The following KIAA1217 variants were observed in gnomAD, a reference collection of about 807,000 sequenced individuals.
The protein encoded by KIAA1217 is sickle tail protein homolog.
Under a neutral mutation model 163.9 loss-of-function variants are expected in KIAA1217, and 88 were observed. That is an observed-to-expected ratio of 0.54 (90% confidence interval 0.45 to 0.64). The LOEUF (loss-of-function observed/expected upper bound fraction) is 0.64. Ranked by LOEUF, KIAA1217 falls within the 30% of genes least tolerant of loss-of-function variation. The pLI is 0.00. For missense variants in KIAA1217, 2,372 were observed against 2,475.0 expected (o/e 0.96, Z 0.88); for synonymous variants, 903 against 923.1 (o/e 0.98, Z 0.39).
chr10:24,312,416 G>A (rs2042818118), intron 2 of KIAA1217, among the ~76,000 whole-genome samples: 1 of 152,110 alleles, frequency 6.6e-6, no homozygotes, highest in Non-Finnish European at 1.5e-5. Flanking sequence ...AGGAGTTCGA[G>A]ATCAGCCTGG....
In KIAA1217 at chr10:24,494,527, G is replaced by T. The variant is rs2066531804; in HGVS notation, c.1707G>T (p.Gln569His). ...AGAGGATGCAAGCCATGGAGAAACA[G>T]ATTGCCAGTTTAACTGGCCTTGTTC... ...TRERMQAMEK[Q>H]IASLTGLVQS... Residue 569 changes from glutamine to histidine, a missense_variant, in exon 7 of 21, where the codon CAG becomes CAT. Gln to His is a conservative substitution (Grantham distance 24). Around this residue, in one of 3 missense-constraint regions of KIAA1217, gnomAD observed 1,431 missense variants for 1,470.3 expected, o/e 0.97. Transcript: ENST00000376454. The T allele has an allele frequency of 6.2e-7, 1 of 1,613,748 alleles. No individual in the cohort carries two copies. Among genetic ancestry groups the T allele is most frequent in the Non-Finnish European group, 8.5e-7 (1 of 1,179,896 alleles).
Position 24,533,352 on chromosome 10 carries a change from T to C in KIAA1217, c.3414+115T>C, listed in dbSNP as rs984060729. Reference sequence around the variant, plus strand: ...CAGGGAAGCGCATGGACCGGGACCATAGAAGCTGTGTCTTCTGGCCTTAGC... The same window carrying C: ...CAGGGAAGCGCATGGACCGGGACCACAGAAGCTGTGTCTTCTGGCCTTAGC... On this transcript the variant is annotated intron_variant, in intron 16 of 20. Coordinates refer to ENST00000376454, the MANE Select transcript of KIAA1217 (RefSeq NM_019590.5). 9 of 1,021,834 alleles carry C rather than the reference T, an allele frequency of 8.8e-6. No individual in the cohort carries two copies. The African/African-American group carries it at 1.3e-4, about 15-fold the overall frequency. The allele number at this position is 1,021,834 out of a possible 1,614,324, so 63.3% of individuals were successfully genotyped here. A position where few individuals can be genotyped will look rare whatever the true frequency, so the allele number is the denominator to read the frequency against.
At chr10:24,470,047 A>T (rs1185547894) in intron 5 of KIAA1217, among the ~76,000 whole-genome samples, 1 of 152,148 alleles carries the variant, frequency 6.6e-6, no homozygotes, top group Non-Finnish European at 1.5e-5. Flanking sequence ...CGATGTGATG[A>T]ATTTATCTCG....
Position 23,982,529 on chromosome 10 carries a change from TTCTCTCTCTCTCTCTCTCTCTCTCTC to T in KIAA1217, c.-320-24669_-320-24644del, listed in dbSNP as rs59075123. ...TCCTCTGTATTGCTCTGTTTTTTGT[TTCTCTCTCTCTCTCTCTCTCTCTCTC>T]TCTCTCTCTCTCTCTCTCTCTCTCT... On this transcript the variant is annotated intron_variant, in intron 1 of 18. Coordinates refer to the KIAA1217 transcript ENST00000376462. 5.4e-4 allele frequency among the ~76,000 whole-genome samples: 40 copies of T among 73,628 alleles called. 1 individual carries two copies. Among genetic ancestry groups the T allele is most frequent in the African/African-American group, 1.8e-3 (36 of 19,844 alleles). 48.3% of individuals were successfully genotyped at this position (73,628 alleles called of 152,430 possible).
intron 1 of KIAA1217, among the ~76,000 whole-genome samples, chr10:23,722,381 C>A (rs1425713798): frequency 6.6e-6 from 1 of 151,928 alleles, no homozygotes; most frequent in Admixed American, 6.6e-5. Context: ...GTGTATTTAC[C>A]ATAATTTTTA....
chr10:24,546,310 A>C lies in KIAA1217; in HGVS notation c.5818A>C (p.Lys1940Gln). 1 of 1,597,992 alleles carries C rather than the reference A, an allele frequency of 6.3e-7. No homozygotes were observed. ...AAGCAAAGCCACCCCATCCACAGCA[A>C]AAGAAACCTCTTAAAGGTCAAATCC... ...SSSKATPSTA[K>Q]ETS The change falls in exon 21 of 21, where the codon AAA becomes CAA. Residue 1940 changes from lysine to glutamine, a missense_variant. Lys to Gln is a moderately conservative substitution (Grantham distance 53). Coordinates refer to ENST00000376454, the MANE Select transcript of KIAA1217 (RefSeq NM_019590.5).
At chr10:23,872,743 G>A (rs1840516217) in intron 1 of KIAA1217, among the ~76,000 whole-genome samples, 1 of 152,058 alleles carries the variant, frequency 6.6e-6, no homozygotes, top group Non-Finnish European at 1.5e-5. Context: ...GCTAATTAAA[G>A]TGAGGGTTTA....
chr10:23,851,016 T>C (rs1398592332), intron 1 of KIAA1217, among the ~76,000 whole-genome samples: 2 of 152,034 alleles, frequency 1.3e-5, no homozygotes, highest in Non-Finnish European at 2.9e-5. Flanking sequence ...TTACAATTTT[T>C]TTTATTATTA....
chr10:24,070,786 C>A (rs536582909), intron 2 of KIAA1217, among the ~76,000 whole-genome samples: 11 of 151,910 alleles, frequency 7.2e-5, no homozygotes, highest in Admixed American at 7.2e-4. Flanking sequence ...GGAAAGGTTG[C>A]GAAAAGGGGA....
intron 2 of KIAA1217, among the ~76,000 whole-genome samples, chr10:24,363,917 T>C (rs1234701934): frequency 6.6e-6 from 1 of 151,984 alleles, no homozygotes; most frequent in Non-Finnish European, 1.5e-5. Context: ...GATAAACTAC[T>C]GATTATCATT....
At chr10:23,710,254 C>G (rs1588640996) in intron 1 of KIAA1217, among the ~76,000 whole-genome samples, 1 of 152,290 alleles carries the variant, frequency 6.6e-6, no homozygotes, top group South Asian at 2.1e-4. Flanking sequence ...GCTTTACCAT[C>G]ACATAGTTTA....
intron 2 of KIAA1217, among the ~76,000 whole-genome samples, chr10:24,306,510 A>G (rs1410271794): frequency 1.3e-5 from 2 of 152,230 alleles, no homozygotes; most frequent in Non-Finnish European, 2.9e-5. Context: ...TTACAACCCC[A>G]GGTGCTCAAG....
intron 1 of KIAA1217, among the ~76,000 whole-genome samples, chr10:23,844,733 C>A (rs1469547619): frequency 6.6e-6 from 1 of 150,522 alleles, no homozygotes; most frequent in African/African-American, 2.4e-5. Context: ...TGTGGCTCAA[C>A]GTTTAATTTT....
intron 2 of KIAA1217, among the ~76,000 whole-genome samples, chr10:24,138,574 A>C (rs925582005): frequency 2.6e-5 from 4 of 152,078 alleles, no homozygotes; most frequent in African/African-American, 4.8e-5. Context: ...AGTTTTCTAT[A>C]AAATGGATAT....
intron 2 of KIAA1217, among the ~76,000 whole-genome samples, chr10:24,079,113 C>T (rs77860828): frequency 0.025 from 3,842 of 152,332 alleles, 150 homozygotes; most frequent in African/African-American, 0.088. Flanking sequence ...CTTGTGTTAA[C>T]GCACTTCACC....
In KIAA1217 at chr10:24,513,354, C is replaced by G. The variant is rs550355378; in HGVS notation, c.2097C>G (p.Pro699=). The part of the protein sequence containing the change: ...VMETMKRLED[P]VQRQRVLVEQ... ...AAACAATGAAGAGACTGGAGGATCC[C>G]GTGCAGCGACAGCGCGTCCTAGTGG... The change falls in exon 10 of 21, where the codon CCC becomes CCG. Residue 699 remains proline (P), a synonymous_variant. Transcript: ENST00000376454. 3.1e-6 allele frequency: 5 copies of G among 1,614,132 alleles called. No individual in the cohort carries two copies.
chr10:24,047,361 G>T (rs1013289032), intron 2 of KIAA1217, among the ~76,000 whole-genome samples: 7 of 152,104 alleles, frequency 4.6e-5, no homozygotes, highest in African/African-American at 1.7e-4. Context: ...CTGTGGCCTT[G>T]AGCAAGGCAA....
At chr10:24,209,947 A>G (rs568482416) in intron 1 of KIAA1217, among the ~76,000 whole-genome samples, 9 of 152,282 alleles carry the variant, frequency 5.9e-5, no homozygotes, top group African/African-American at 1.4e-4. Context: ...TGTTGTTCCA[A>G]AGAAATTTCG....
chr10:24,475,302 T>G (rs905055422), intron 6 of KIAA1217, among the ~76,000 whole-genome samples: 1 of 152,212 alleles, frequency 6.6e-6, no homozygotes, highest in Non-Finnish European at 1.5e-5. Flanking sequence ...TAAAAAATGT[T>G]AATATCACTT....
Sources: allele counts gnomAD v4.1 joint callset (sites outside exome capture counted in the v4.1 genomes callset), GRCh38; gene constraint gnomAD v4.1.1; regional missense constraint gnomAD v4.1.1; transcripts MANE v1.5; gene names NCBI Gene and HGNC (gene_info 2026-07-23, HGNC 2026-07-21).